Variants in GSTM1 observed in about 807,000 individuals in gnomAD.
The protein encoded by GSTM1 is glutathione S-transferase mu 1, also known as GST HB subunit 4.
In GSTM1, 6 loss-of-function variants were observed where a neutral mutation model predicts 17.3. The observed-to-expected ratio is 0.35, with a 90% CI of 0.19 to 0.68. The LOEUF is 0.68. GSTM1 is among the 30% of genes least tolerant of loss of function. GSTM1 has a pLI of 0.65. For synonymous variants in GSTM1, 20 were observed against 53.6 expected (o/e 0.37, Z 2.74); for missense variants, 62 against 155.9 (o/e 0.40, Z 3.21).
At position 109,691,495 on chromosome 1, in the gene GSTM1, A is replaced by C. The variant is rs956385107; in HGVS notation, c.567+931A>C. Among the ~76,000 whole-genome samples, 11 of 79,324 alleles carry C rather than the reference A, an allele frequency of 1.4e-4. 3 individuals are homozygous for C. Among genetic ancestry groups the C allele is most frequent in the Non-Finnish European group, 3.2e-4 (10 of 30,894 alleles). The allele number at this position is 79,324 out of a possible 152,430, so 52.0% of individuals were successfully genotyped here. ...TGATCTGCCCACATCAGCCTCCCTC[A>C]GTGCTGGGATTACAGATATGAGCCA... On this transcript the variant is annotated intron_variant, in intron 7 of 7. Coordinates refer to ENST00000309851, the MANE Select transcript of GSTM1 (RefSeq NM_000561.4).
Position 109,690,130 on chromosome 1 carries a change from A to G in GSTM1, c.361-141A>G, listed in dbSNP as rs112691548. On this transcript the variant is annotated intron_variant, in intron 5 of 7. Transcript: ENST00000309851. ...AATAAATGCTGATGTATCCAATTGA[A>G]GCCTGGGCACTGCCCCAGTTCCAGC... The G allele has an allele frequency of 3.1e-3, 1,070 of 348,944 alleles. 363 individuals are homozygous for G. Among genetic ancestry groups the G allele is most frequent in the African/African-American group, 0.022 (866 of 39,848 alleles). The allele number at this position is 348,944 out of a possible 1,614,324, so 21.6% of individuals were successfully genotyped here. A position where few individuals can be genotyped will look rare whatever the true frequency, so the allele number is the denominator to read the frequency against.
rs1291900079 is a variant in GSTM1 at position 109,688,602 on chromosome 1, G to T, written c.113-71G>T. 25 of 650,298 alleles carry T rather than the reference G, an allele frequency of 3.8e-5. 10 individuals are homozygous for T. Among genetic ancestry groups the T allele is most frequent in the Middle Eastern group, 1.2e-3 (2 of 1,718 alleles). 40.3% of individuals were successfully genotyped at this position (650,298 alleles called of 1,614,324 possible). A position where few individuals can be genotyped will look rare whatever the true frequency, so the allele number is the denominator to read the frequency against. ...TCTCAGGGATCTTGCCACTGGCTCC[G>T]TGGGAGGGTCCCCGGGAAGGAGGGC... On this transcript the variant is annotated intron_variant, in intron 2 of 7. Transcript: ENST00000309851.
rs375886473 is a variant in GSTM1 at position 109,687,843 on chromosome 1, C to G, written c.-31C>G. On this transcript the variant is annotated 5_prime_UTR_variant, in exon 1 of 8. Transcript: ENST00000309851. Reference sequence around the variant, plus strand: ...TACTCTGAGCCCTGCTCGGTTTAGGCCTGTCTGCGGAATCCGCACCAACCA... The same window carrying G: ...TACTCTGAGCCCTGCTCGGTTTAGGGCTGTCTGCGGAATCCGCACCAACCA... 2.7e-5 allele frequency: 21 copies of G among 767,012 alleles called. 7 individuals are homozygous for G. The African/African-American group carries it at 2.8e-4, about 10-fold the overall frequency. The allele number at this position is 767,012 out of a possible 1,614,324, so 47.5% of individuals were successfully genotyped here.
Position 109,687,878 on chromosome 1 carries a change from C to G in GSTM1, c.5C>G (p.Pro2Arg). ...GAATCCGCACCAACCAGCACCATGCCCATGATACTGGGGTACTGGGACATC... is the reference window on the plus strand; with the variant it reads ...GAATCCGCACCAACCAGCACCATGCGCATGATACTGGGGTACTGGGACATC... M[P>R]MILGYWDIRG... is the part of the protein sequence containing the mutation. The change falls in exon 1 of 8, where the codon CCC becomes CGC. Residue 2 changes from proline to arginine, a missense_variant. By Grantham distance (103) the Pro-to-Arg change is moderately radical. Coordinates refer to ENST00000309851, the MANE Select transcript of GSTM1 (RefSeq NM_000561.4). 2 of 793,876 alleles carry G rather than the reference C, an allele frequency of 2.5e-6. 1 individual carries two copies. The highest frequency in any genetic ancestry group is 9.9e-5 in the East Asian group (2 of 20,192). 49.2% of individuals were successfully genotyped at this position (793,876 alleles called of 1,614,324 possible).
In GSTM1 at chr1:109,693,360, C is replaced by T. The variant is rs571050988; in HGVS notation, c.*65C>T. 2.9e-5 allele frequency: 17 copies of T among 582,892 alleles called. 3 individuals carry two copies. In the African/African-American group the frequency reaches 3.4e-4, roughly 12 times the overall value. The allele number at this position is 582,892 out of a possible 1,614,324, so 36.1% of individuals were successfully genotyped here. ...TCAGCCTGCTGCCCAGGCTGTGCAG[C>T]GCAGCTGGACTCTGCATCCCAGCAC... On this transcript the variant is annotated 3_prime_UTR_variant, in exon 8 of 8. Transcript: ENST00000309851.
rs1343028679 is a variant in GSTM1, at chr1:109,693,241, C to A, written c.603C>A (p.Ser201Arg). Residue 201 changes from serine to arginine, a missense_variant, in exon 8 of 8, where the codon AGC (serine) becomes AGA (arginine). Ser to Arg is a moderately radical substitution (Grantham distance 110, BLOSUM62 -1). Coordinates refer to ENST00000309851, the MANE Select transcript of GSTM1 (RefSeq NM_000561.4). ...LEKISAYMKS[S>R]RFLPRPVFSK... ...AGATCTCTGCCTACATGAAGTCCAG[C>A]CGCTTCCTCCCAAGACCTGTGTTCT... 13 of 795,666 alleles carry A rather than the reference C, an allele frequency of 1.6e-5. 5 individuals are homozygous for A. The South Asian group carries it at 2.4e-4, about 15-fold the overall frequency. The allele number at this position is 795,666 out of a possible 1,614,324, so 49.3% of individuals were successfully genotyped here.
At chr1:109,688,273 G>A in intron 2 of GSTM1, 28 bp downstream of exon 2, 1 of 797,560 alleles carries the variant, frequency 1.3e-6, no homozygotes, top group Non-Finnish European at 1.8e-6. Flanking sequence ...TTCGGGCTCT[G>A]CCCACTCACG....
At position 109,687,909 on chromosome 1, in the gene GSTM1, G is replaced by A. The variant is rs1647993216; in HGVS notation, c.36G>A (p.Gly12=). Residue 12 remains glycine (G), a splice_region_variant and synonymous_variant, in exon 1 of 8, where the codon GGG becomes GGA. Transcript: ENST00000309851. ...PMILGYWDIR[G]LAHAIRLLLE... ...TACTGGGGTACTGGGACATCCGCGG[G>A]GTGAGCGAGGGTCCGCTGGACGGTG... The A allele has an allele frequency of 6.3e-6, 5 of 791,748 alleles. 2 individuals carry two copies. Among genetic ancestry groups the A allele is most frequent in the Non-Finnish European group, 5.5e-6 (3 of 546,756 alleles). 49.0% of individuals were successfully genotyped at this position (791,748 alleles called of 1,614,324 possible). A position where few individuals can be genotyped will look rare whatever the true frequency, so the allele number is the denominator to read the frequency against.
chr1:109,691,852 A>G lies in GSTM1; in HGVS notation c.567+1288A>G, dbSNP rs1390398627. ...TCTGGGAATTTGAGGCATTAGTCCA[A>G]CGGGCTTCTGAGCCTAGAATCTGTT... On this transcript the variant is annotated intron_variant, in intron 7 of 7. Transcript: ENST00000309851. Among the ~76,000 whole-genome samples, 2 of 81,106 alleles carry G rather than the reference A, an allele frequency of 2.5e-5. 1 individual carries two copies. The allele number at this position is 81,106 out of a possible 152,430, so 53.2% of individuals were successfully genotyped here. A position where few individuals can be genotyped will look rare whatever the true frequency, so the allele number is the denominator to read the frequency against.
rs1367471546 is a variant in GSTM1, at chr1:109,692,120, G to A, written c.568-1086G>A. Among the ~76,000 whole-genome samples, 3 of 67,100 alleles carry A rather than the reference G, an allele frequency of 4.5e-5. 1 individual carries two copies. Among genetic ancestry groups the A allele is most frequent in the East Asian group, 1.1e-3 (2 of 1,836 alleles). The allele number at this position is 67,100 out of a possible 152,430, so 44.0% of individuals were successfully genotyped here. A position where few individuals can be genotyped will look rare whatever the true frequency, so the allele number is the denominator to read the frequency against. ...GTTGCCCAGGCTGGAGTGCAGTTGC[G>A]TGACCTCGGCTTACTGCAACCTCTG... On this transcript the variant is annotated intron_variant, in intron 7 of 7. Coordinates refer to ENST00000309851, the MANE Select transcript of GSTM1 (RefSeq NM_000561.4).
In GSTM1 at chr1:109,689,639, C is replaced by T. The variant is rs1295966715; in HGVS notation, c.360+314C>T. The stretch of plus-strand genomic sequence containing the variant: ...TGGGTCATTTCTGTCAGCCAGTTCA[C>T]ATCACCTGCCTGCTCCTAGAATATG... On this transcript the variant is annotated intron_variant, in intron 5 of 7. Coordinates refer to ENST00000309851, the MANE Select transcript of GSTM1 (RefSeq NM_000561.4). 2.5e-5 allele frequency among the ~76,000 whole-genome samples: 2 copies of T among 78,558 alleles called. 1 individual carries two copies. Among genetic ancestry groups the T allele is most frequent in the Non-Finnish European group, 6.4e-5 (2 of 31,054 alleles). 51.5% of individuals were successfully genotyped at this position (78,558 alleles called of 152,430 possible).
Position 109,688,022 on chromosome 1 carries a change from G to A in GSTM1, c.36+113G>A. ...TCTTCAGGGCTGCCCGCCTCAGAAG[G>A]GCCTGTGCATGCCGCTGTGTGTGTG... On this transcript the variant is annotated intron_variant, in intron 1 of 7. Transcript: ENST00000309851. The A allele has an allele frequency of 2.7e-6, 2 of 729,198 alleles. 1 individual carries two copies. The highest frequency in any genetic ancestry group is 4.1e-6 in the Non-Finnish European group (2 of 491,536). 45.2% of individuals were successfully genotyped at this position (729,198 alleles called of 1,614,324 possible).
intron 3 of GSTM1, 43 bp from the exon 4 acceptor site, chr1:109,689,005 C>A: frequency 1.3e-6 from 1 of 757,816 alleles, no homozygotes; most frequent in South Asian, 1.9e-5. Flanking sequence ...TGCTGGGGAG[C>A]CTGGTGGCCC....
Position 109,689,179 on chromosome 1 carries a change from G to A in GSTM1, c.260-46G>A, listed in dbSNP as rs2101279563. The A allele has an allele frequency of 5.0e-6, 4 of 792,928 alleles. 2 individuals are homozygous for A. The East Asian group carries it at 2.0e-4, about 39-fold the overall frequency. 49.1% of individuals were successfully genotyped at this position (792,928 alleles called of 1,614,324 possible). A position where few individuals can be genotyped will look rare whatever the true frequency, so the allele number is the denominator to read the frequency against. On this transcript the variant is annotated intron_variant, in intron 4 of 7. Coordinates refer to ENST00000309851, the MANE Select transcript of GSTM1 (RefSeq NM_000561.4). ...TGGGGGGAAGGTGGCCTCCTCCTTGGCTGGGCTGTGATGCTGAGATTGAGT... is the reference window on the plus strand; with the variant it reads ...TGGGGGGAAGGTGGCCTCCTCCTTGACTGGGCTGTGATGCTGAGATTGAGT...
At position 109,691,078 on chromosome 1, in the gene GSTM1, C is replaced by T. The variant is rs1163339493; in HGVS notation, c.567+514C>T. Among the ~76,000 whole-genome samples, 2 of 80,636 alleles carry T rather than the reference C, an allele frequency of 2.5e-5. 1 individual carries two copies. Among genetic ancestry groups the T allele is most frequent in the Non-Finnish European group, 6.4e-5 (2 of 31,366 alleles). 52.9% of individuals were successfully genotyped at this position (80,636 alleles called of 152,430 possible). ...CAATATTCATAGCTACCTCCAGAAG[C>T]TTTGCATGATTGGACCCCAGTGTGG... On this transcript the variant is annotated intron_variant, in intron 7 of 7. Coordinates refer to ENST00000309851, the MANE Select transcript of GSTM1 (RefSeq NM_000561.4).
In GSTM1 at chr1:109,689,936, G is replaced by C. The variant is rs1648054652; in HGVS notation, c.361-335G>C. 2.5e-5 allele frequency among the ~76,000 whole-genome samples: 2 copies of C among 80,982 alleles called. 1 individual carries two copies. The highest frequency in any genetic ancestry group is 6.3e-5 in the Non-Finnish European group (2 of 31,514). The allele number at this position is 80,982 out of a possible 152,430, so 53.1% of individuals were successfully genotyped here. ...TTTCCCTGAGCTCCCTTAGTTCTTTGCATCCTTGATTCTGCTGGTCTGGAT... is the reference window on the plus strand; with the variant it reads ...TTTCCCTGAGCTCCCTTAGTTCTTTCCATCCTTGATTCTGCTGGTCTGGAT... On this transcript the variant is annotated intron_variant, in intron 5 of 7. Transcript: ENST00000309851.
chr1:109,687,859 G>T lies in GSTM1; in HGVS notation c.-15G>T, dbSNP rs752673350. On this transcript the variant is annotated 5_prime_UTR_variant, in exon 1 of 8. Transcript: ENST00000309851. Reference sequence around the variant, plus strand: ...CGGTTTAGGCCTGTCTGCGGAATCCGCACCAACCAGCACCATGCCCATGAT... The same window carrying T: ...CGGTTTAGGCCTGTCTGCGGAATCCTCACCAACCAGCACCATGCCCATGAT... 7.6e-6 allele frequency: 6 copies of T among 787,630 alleles called. 2 individuals carry two copies. The South Asian group carries it at 1.1e-4, about 14-fold the overall frequency. The allele number at this position is 787,630 out of a possible 1,614,324, so 48.8% of individuals were successfully genotyped here. A position where few individuals can be genotyped will look rare whatever the true frequency, so the allele number is the denominator to read the frequency against.
At position 109,691,333 on chromosome 1, in the gene GSTM1, A is replaced by G. The variant is rs1648094492; in HGVS notation, c.567+769A>G. On this transcript the variant is annotated intron_variant, in intron 7 of 7. Coordinates refer to ENST00000309851, the MANE Select transcript of GSTM1 (RefSeq NM_000561.4). The stretch of plus-strand genomic sequence containing the variant: ...CTGCAACCTCCGCCTCCTGGGTTCA[A>G]GCGATTCTACTGCCTCAGCTGCACG... Among the ~76,000 whole-genome samples the G allele has an allele frequency of 3.0e-5, 2 of 67,614 alleles. 1 individual carries two copies. Among genetic ancestry groups the G allele is most frequent in the Non-Finnish European group, 7.1e-5 (2 of 28,340 alleles). The allele number at this position is 67,614 out of a possible 152,430, so 44.4% of individuals were successfully genotyped here. A position where few individuals can be genotyped will look rare whatever the true frequency, so the allele number is the denominator to read the frequency against.
Position 109,687,862 on chromosome 1 carries a change from C to T in GSTM1, c.-12C>T, listed in dbSNP as rs763127185. 1 of 790,096 alleles carries T rather than the reference C, an allele frequency of 1.3e-6. No homozygotes were observed. Among genetic ancestry groups the T allele is most frequent in the South Asian group, 1.8e-5 (1 of 54,542 alleles). 48.9% of individuals were successfully genotyped at this position (790,096 alleles called of 1,614,324 possible). ...TTTAGGCCTGTCTGCGGAATCCGCA[C>T]CAACCAGCACCATGCCCATGATACT... On this transcript the variant is annotated 5_prime_UTR_variant, in exon 1 of 8. Coordinates refer to ENST00000309851, the MANE Select transcript of GSTM1 (RefSeq NM_000561.4).
Sources: gnomAD v4.1 joint callset for allele counts (sites outside exome capture counted in the v4.1 genomes callset) on GRCh38, gnomAD v4.1.1 for gene constraint, MANE v1.5 for transcripts, NCBI Gene and HGNC (gene_info 2026-07-23, HGNC 2026-07-21) for gene names.